The following KHDRBS2 variants were observed in gnomAD, a reference collection of about 807,000 sequenced individuals.
KHDRBS2 encodes KH RNA binding domain containing, signal transduction associated 2.
In KHDRBS2, 26 loss-of-function variants were observed where a neutral mutation model predicts 44.3. The observed-to-expected ratio is 0.59, with a 90% CI of 0.43 to 0.81. The LOEUF is 0.81. Ranked by LOEUF, KHDRBS2 falls within the 40% of genes least tolerant of loss-of-function variation. The pLI is 0.00. For missense variants in KHDRBS2, 476 were observed against 433.1 expected (o/e 1.10, Z -0.88); for synonymous variants, 194 against 151.1 (o/e 1.28, Z -2.08).
intron 4 of KHDRBS2, among the ~76,000 whole-genome samples, chr6:61,952,867 A>C (rs1765063464): frequency 6.6e-6 from 1 of 152,036 alleles, no homozygotes; most frequent in East Asian, 1.9e-4. Flanking sequence ...TTCAACTCAC[A>C]ACACACATTA....
At chr6:61,610,069 G>A in the KHDRBS2 span, among the ~76,000 whole-genome samples, 3 of 151,910 alleles carry the variant, frequency 2.0e-5, no homozygotes, top group South Asian at 2.1e-4. Flanking sequence ...CCAGCTACTC[G>A]GGAGGCTGAG....
intron 2 of KHDRBS2, among the ~76,000 whole-genome samples, chr6:62,051,932 C>T (rs1234953846): frequency 6.6e-5 from 10 of 151,828 alleles, no homozygotes; most frequent in African/African-American, 1.9e-4. Context: ...TACGAGATAC[C>T]ACCTCAACCT....
At chr6:61,800,339 C>T (rs1169389861) in intron 6 of KHDRBS2, among the ~76,000 whole-genome samples, 1 of 152,048 alleles carries the variant, frequency 6.6e-6, no homozygotes, top group Non-Finnish European at 1.5e-5. Flanking sequence ...ATTTGAATGG[C>T]AGTTCCTGTC....
the KHDRBS2 span, among the ~76,000 whole-genome samples, chr6:61,561,760 C>T: frequency 1.3e-5 from 2 of 152,146 alleles, no homozygotes; most frequent in Non-Finnish European, 2.9e-5. Context: ...TCCTCTCTGG[C>T]CCAGGATAGG....
At chr6:61,580,799 T>C in the KHDRBS2 span, among the ~76,000 whole-genome samples, 1 of 152,090 alleles carries the variant, frequency 6.6e-6, no homozygotes, top group African/African-American at 2.4e-5. Flanking sequence ...TCTGAACATC[T>C]GAAGGAACAA....
chr6:62,038,284 C>T (rs187697493), intron 3 of KHDRBS2, among the ~76,000 whole-genome samples: 49 of 151,722 alleles, frequency 3.2e-4, no homozygotes, highest in African/African-American at 9.7e-4. Context: ...AAAGTAAACT[C>T]TGCGGTGTTG....
At chr6:62,270,167 A>C (rs1839841875) in intron 1 of KHDRBS2, among the ~76,000 whole-genome samples, 1 of 152,066 alleles carries the variant, frequency 6.6e-6, no homozygotes, top group African/African-American at 2.4e-5. Flanking sequence ...GTTTGGATCC[A>C]TGGGAGTGGA....
chr6:61,927,607 A>G (rs1415444148), intron 4 of KHDRBS2, among the ~76,000 whole-genome samples: 1 of 152,090 alleles, frequency 6.6e-6, no homozygotes, highest in Non-Finnish European at 1.5e-5. Context: ...GTCTAAAGTA[A>G]AGAACTGATT....
intron 2 of KHDRBS2, among the ~76,000 whole-genome samples, chr6:62,060,652 C>T (rs1485718100): frequency 6.7e-6 from 1 of 148,794 alleles, no homozygotes; most frequent in Non-Finnish European, 1.5e-5. Context: ...TATATATGAA[C>T]TAAAACAAAT....
intron 4 of KHDRBS2, among the ~76,000 whole-genome samples, chr6:61,937,348 A>G (rs1000203603): frequency 2.6e-5 from 4 of 151,882 alleles, no homozygotes; most frequent in African/African-American, 9.7e-5. Flanking sequence ...CATATCAGAT[A>G]TTCTTATTTT....
intron 6 of KHDRBS2, among the ~76,000 whole-genome samples, chr6:61,813,281 A>G (rs1449785491): frequency 6.6e-6 from 1 of 152,186 alleles, no homozygotes; most frequent in Non-Finnish European, 1.5e-5. Flanking sequence ...ATGGAAGACC[A>G]TCTTTTTTGC....
intron 3 of KHDRBS2, among the ~76,000 whole-genome samples, chr6:62,042,304 G>A (rs1786699294): frequency 6.6e-6 from 1 of 152,050 alleles, no homozygotes; most frequent in Admixed American, 6.6e-5. Context: ...TGATATTTAA[G>A]CAAGTTATTA....
chr6:62,103,841 G>T (rs1336536311), intron 2 of KHDRBS2, among the ~76,000 whole-genome samples: 1 of 152,130 alleles, frequency 6.6e-6, no homozygotes, highest in African/African-American at 2.4e-5. Context: ...AAATAAAATT[G>T]TCAGCCTATA....
the KHDRBS2 span, among the ~76,000 whole-genome samples, chr6:61,604,195 G>GAAATATACC: frequency 1.2e-4 from 18 of 152,146 alleles, no homozygotes; most frequent in Non-Finnish European, 2.2e-4. Flanking sequence ...CTATACAAGG[G>GAAATATACC]TCATCTATCA....
intron 8 of KHDRBS2, among the ~76,000 whole-genome samples, chr6:61,686,719 G>T (rs1766852454): frequency 6.6e-6 from 1 of 151,452 alleles, no homozygotes; most frequent in African/African-American, 2.4e-5. Flanking sequence ...AAGTTTAGTT[G>T]TTGGGAAAAT....
At chr6:61,698,216 C>T (rs554035241) in intron 7 of KHDRBS2, among the ~76,000 whole-genome samples, 64 of 152,256 alleles carry the variant, frequency 4.2e-4, no homozygotes, top group African/African-American at 1.4e-3. Context: ...CAGATATCTC[C>T]TCTTTCATGG....
chr6:61,955,685 TATAC>T (rs1272292237), intron 4 of KHDRBS2, among the ~76,000 whole-genome samples: 1 of 124,738 alleles, frequency 8.0e-6, no homozygotes, highest in Non-Finnish European at 1.7e-5. Context: ...CATATGTATG[TATAC>T]ATATATGTGT....
intron 6 of KHDRBS2, among the ~76,000 whole-genome samples, chr6:61,755,736 G>T (rs1448332599): frequency 2.0e-5 from 3 of 149,616 alleles, no homozygotes; most frequent in African/African-American, 7.4e-5. Context: ...GGAGGCGGAG[G>T]TTGCAGTGAG....
the KHDRBS2 span, among the ~76,000 whole-genome samples, chr6:61,555,792 G>T: frequency 1.3e-5 from 2 of 152,006 alleles, no homozygotes; most frequent in Non-Finnish European, 2.9e-5. Context: ...GGAGGGCAAG[G>T]CTCAGATCAA....
Sources: allele counts gnomAD v4.1 joint callset (sites outside exome capture counted in the v4.1 genomes callset), GRCh38; gene constraint gnomAD v4.1.1; transcripts MANE v1.5; gene names NCBI Gene and HGNC (gene_info 2026-07-23, HGNC 2026-07-21).